Variants in GPC5 observed in about 807,000 individuals in gnomAD.
GPC5 encodes the protein glypican 5.
Under a neutral mutation model 53.9 loss-of-function variants are expected in GPC5, and 47 were observed. The ratio of observed to expected loss-of-function variants is 0.87; its 90% CI spans 0.69 to 1.11. The LOEUF (loss-of-function observed/expected upper bound fraction) is 1.11, where lower values mean the gene tolerates loss of function less well. Ranked by LOEUF, GPC5 falls within the 50% of genes most tolerant of loss-of-function variation. The probability of loss-of-function intolerance (pLI) is 0.00; values close to 1 mark genes in which losing one functional copy is unlikely to be tolerated. For synonymous variants in GPC5, 286 were observed against 263.3 expected (o/e 1.09, Z -0.84); for missense variants, 748 against 713.1 (o/e 1.05, Z -0.56).
At chr13:92,840,468 A>G (rs1878397851) in intron 7 of GPC5, among the ~76,000 whole-genome samples, 1 of 152,034 alleles carries the variant, frequency 6.6e-6, no homozygotes, top group Non-Finnish European at 1.5e-5. Context: ...TGATTTGTCT[A>G]TCTTTATACC....
chr13:92,058,693 G>A (rs566185635), intron 6 of GPC5, among the ~76,000 whole-genome samples: 10 of 152,054 alleles, frequency 6.6e-5, no homozygotes, highest in South Asian at 2.1e-4. Context: ...ACAGGTGCCC[G>A]CCACCACAGC....
At chr13:92,026,911 A>C (rs2040805711) in intron 6 of GPC5, among the ~76,000 whole-genome samples, 1 of 152,160 alleles carries the variant, frequency 6.6e-6, no homozygotes, top group African/African-American at 2.4e-5. Flanking sequence ...ATTTGTTTTG[A>C]TTCCATGGGT....
intron 2 of GPC5, among the ~76,000 whole-genome samples, chr13:91,602,187 G>A (rs1473543844): frequency 6.6e-6 from 1 of 152,146 alleles, no homozygotes; most frequent in Non-Finnish European, 1.5e-5. Flanking sequence ...CACCGTTCCG[G>A]GCTTTGCGAG....
chr13:91,576,549 A>C (rs1005618497), intron 2 of GPC5, among the ~76,000 whole-genome samples: 1 of 152,154 alleles, frequency 6.6e-6, no homozygotes, highest in Non-Finnish European at 1.5e-5. Context: ...GTTTGAGGAA[A>C]CTTTTTAGTT....
At chr13:92,695,717 GTTA>G (rs1196882172) in intron 7 of GPC5, among the ~76,000 whole-genome samples, 7 of 148,396 alleles carry the variant, frequency 4.7e-5, no homozygotes, top group Admixed American at 6.7e-5. Context: ...TTTTTTTTTA[GTTA>G]TTATAAGTTC....
At chr13:92,623,842 T>G (rs1357379165) in intron 7 of GPC5, among the ~76,000 whole-genome samples, 1 of 141,444 alleles carries the variant, frequency 7.1e-6, no homozygotes, top group Non-Finnish European at 1.6e-5. Flanking sequence ...AGTCTACTGA[T>G]AGTGTCTATT....
chr13:92,807,620 G>A (rs934118833), intron 7 of GPC5, among the ~76,000 whole-genome samples: 2 of 152,096 alleles, frequency 1.3e-5, no homozygotes, highest in African/African-American at 2.4e-5. Flanking sequence ...AGAAGTGGCA[G>A]GGGAGTGACT....
At chr13:92,211,677 T>C (rs1256120987) in intron 7 of GPC5, among the ~76,000 whole-genome samples, 2 of 152,196 alleles carry the variant, frequency 1.3e-5, no homozygotes, top group Admixed American at 6.5e-5. Context: ...CCCAGCAATC[T>C]GCATTTTAAT....
intron 7 of GPC5, among the ~76,000 whole-genome samples, chr13:92,482,199 C>A (rs1354440816): frequency 6.6e-6 from 1 of 152,102 alleles, no homozygotes; most frequent in East Asian, 1.9e-4. Flanking sequence ...ATATCCTTTC[C>A]ACCAACAAGT....
At chr13:91,988,347 G>A (rs1421680097) in intron 6 of GPC5, among the ~76,000 whole-genome samples, 1 of 152,148 alleles carries the variant, frequency 6.6e-6, no homozygotes, top group Non-Finnish European at 1.5e-5. Context: ...TTCTGGGTTG[G>A]AATTCTGGCT....
At chr13:92,246,675 A>G (rs2042653418) in intron 7 of GPC5, among the ~76,000 whole-genome samples, 1 of 152,302 alleles carries the variant, frequency 6.6e-6, no homozygotes, top group African/African-American at 2.4e-5. Flanking sequence ...TAAAATATAA[A>G]GTCCAGAGAA....
At chr13:92,394,180 T>G (rs2139327587) in intron 7 of GPC5, among the ~76,000 whole-genome samples, 1 of 152,290 alleles carries the variant, frequency 6.6e-6, no homozygotes, top group East Asian at 1.9e-4. Context: ...TTCAATCATC[T>G]AAGGGTGTAT....
At chr13:92,855,739 TAGAAAATCTTG>T (rs1405471469) in intron 7 of GPC5, among the ~76,000 whole-genome samples, 1 of 151,826 alleles carries the variant, frequency 6.6e-6, no homozygotes, top group Non-Finnish European at 1.5e-5. Context: ...TCCCATAAAC[TAGAAAATCTTG>T]AGAAAATGGA....
rs1015635323 is a variant in GPC5, at chr13:92,642,228, T to TA, written c.1562-224046dup. Among the ~76,000 whole-genome samples, 5 of 152,104 alleles carry TA rather than the reference T, an allele frequency of 3.3e-5. No homozygotes were observed. The East Asian group carries it at 5.8e-4, about 18-fold the overall frequency. On this transcript the variant is annotated intron_variant, in intron 7 of 7. Transcript: ENST00000377067. ...TTAGGTTGGTGATTTATTGTTGAAG[T>TA]AAAAAAAACTAGTGAAATTTTACTG...
At chr13:92,401,401 C>T (rs1175011257) in intron 7 of GPC5, among the ~76,000 whole-genome samples, 4 of 151,992 alleles carry the variant, frequency 2.6e-5, no homozygotes, top group Admixed American at 1.3e-4. Flanking sequence ...CTTCCTTTCG[C>T]TAATGTATTT....
intron 7 of GPC5, among the ~76,000 whole-genome samples, chr13:92,331,021 C>G (rs1448950268): frequency 2.0e-5 from 3 of 152,078 alleles, no homozygotes; most frequent in Non-Finnish European, 2.9e-5. Flanking sequence ...TTTTACTGAT[C>G]CCATCATTTC....
chr13:91,967,931 A>T (rs796682256), intron 6 of GPC5, among the ~76,000 whole-genome samples: 7 of 151,762 alleles, frequency 4.6e-5, no homozygotes, highest in African/African-American at 1.7e-4. Context: ...GGAATTCAAT[A>T]TTTTTAAAAT....
At chr13:91,879,099 A>C in intron 5 of GPC5, among the ~76,000 whole-genome samples, 1 of 152,092 alleles carries the variant, frequency 6.6e-6, no homozygotes, top group Non-Finnish European at 1.5e-5. Flanking sequence ...GTTTTTGAAA[A>C]AAAACTATTA....
chr13:92,428,768 G>A (rs1471021140), intron 7 of GPC5, among the ~76,000 whole-genome samples: 3 of 152,042 alleles, frequency 2.0e-5, no homozygotes, highest in Non-Finnish European at 4.4e-5. Flanking sequence ...ATTTAAGAAT[G>A]CTTCTGTAGA....
Sources: gnomAD v4.1 joint callset for allele counts (sites outside exome capture counted in the v4.1 genomes callset) on GRCh38, gnomAD v4.1.1 for gene constraint, MANE v1.5 for transcripts, NCBI Gene and HGNC (gene_info 2026-07-23, HGNC 2026-07-21) for gene names.